Variants in PCDHGA9 observed in about 807,000 individuals in gnomAD.
PCDHGA9 encodes protocadherin gamma-A9.
Under a neutral mutation model 62.5 loss-of-function variants are expected in PCDHGA9, and 37 were observed. That is an observed-to-expected ratio of 0.59 (90% CI 0.46 to 0.78). The LOEUF (loss-of-function observed/expected upper bound fraction) is 0.78, where lower values mean the gene tolerates loss of function less well. Among genes scored for constraint, PCDHGA9 ranks in the 30% least tolerant of loss-of-function variants. The pLI is 0.00. For synonymous variants in PCDHGA9, 459 were observed against 484.6 expected (o/e 0.95, Z 0.69); for missense variants, 1,138 against 1,166.2 (o/e 0.98, Z 0.35).
chr5:141,404,593 A>G lies in PCDHGA9; in HGVS notation c.1641A>G (p.Ser547=). ...GCCCACCACTTAGCAGCAATGTGTCATTGAGACTGTTTGTTTTGGACCAGA... is the reference window on the plus strand; with the variant it reads ...GCCCACCACTTAGCAGCAATGTGTCGTTGAGACTGTTTGTTTTGGACCAGA... ...SGSPPLSSNV[S]LRLFVLDQND... The change falls in exon 1 of 4, where the codon TCA becomes TCG. Residue 547 remains serine (S), a synonymous_variant. Coordinates refer to ENST00000573521, the MANE Select transcript of PCDHGA9 (RefSeq NM_018921.3). 6.2e-7 allele frequency: 1 copy of G among 1,614,080 alleles called. No homozygotes were observed. Among genetic ancestry groups the G allele is most frequent in the Non-Finnish European group, 8.5e-7 (1 of 1,179,918 alleles).
At position 141,432,627 on chromosome 5, in the gene PCDHGA9, C is replaced by A. The variant is rs886117102; in HGVS notation, c.2424+27251C>A. 1 of 1,613,652 alleles carries A rather than the reference C, an allele frequency of 6.2e-7. No homozygotes were observed. The highest frequency in any genetic ancestry group is 8.5e-7 in the Non-Finnish European group (1 of 1,179,952). On this transcript the variant is annotated intron_variant, in intron 1 of 3. Transcript: ENST00000573521. This position sits in a 1 kb window ranked among gnomAD's most constrained non-coding sequence, Gnocchi z 6.0. ...GGACTCTTCTCGGTGGGTCTGCACA[C>A]GGGCGAGGTGCGCACGGCGCGAGCC...
At chr5:141,421,979 G>A in intron 1 of PCDHGA9, 1 of 1,609,702 alleles carries the variant, frequency 6.2e-7, no homozygotes, top group Non-Finnish European at 8.5e-7. Context: ...TATCGCGTGA[G>A]TGTTCCAGAA....
intron 1 of PCDHGA9, chr5:141,408,253 A>G (rs749487100): frequency 3.4e-4 from 550 of 1,599,220 alleles, no homozygotes; most frequent in Non-Finnish European, 4.4e-4. Flanking sequence ...GGCAGGTGCT[A>G]TTTCCTTTGC....
intron 1 of PCDHGA9, chr5:141,424,561 T>C (rs972361161): frequency 7.9e-5 from 12 of 152,236 alleles, no homozygotes; most frequent in African/African-American, 2.9e-4. Flanking sequence ...TCAGTGCTTC[T>C]CAAAAACCTA....
chr5:141,432,495 C>G lies in PCDHGA9; in HGVS notation c.2424+27119C>G. 1.2e-6 allele frequency: 2 copies of G among 1,614,182 alleles called. No individual in the cohort carries two copies. The highest frequency in any genetic ancestry group is 1.7e-6 in the Non-Finnish European group (2 of 1,180,048). On this transcript the variant is annotated intron_variant, in intron 1 of 3. Coordinates refer to ENST00000573521, the MANE Select transcript of PCDHGA9 (RefSeq NM_018921.3). The surrounding 1 kb of genome is among the most constrained non-coding windows in gnomAD (Gnocchi z 6.0). ...GGTTCCACTGGCGTGGAGCTGGCTC[C>G]CCGCTCCGCAGAGCCCGGCTACCTG...
rs1344329529 is a variant in PCDHGA9, at chr5:141,456,847, C to T, written c.2425-37960C>T. Among the ~76,000 whole-genome samples the T allele has an allele frequency of 2.0e-5, 3 of 152,084 alleles. No homozygotes were observed. The East Asian group carries it at 5.8e-4, about 29-fold the overall frequency. ...TCGTGGTAGTGGGCGCCTGTAATCC[C>T]AGCTAATTGGGAGGCTGAGGCAGGA... On this transcript the variant is annotated intron_variant, in intron 1 of 3. Transcript: ENST00000573521.
rs771088007 is a variant in PCDHGA9 at position 141,423,000 on chromosome 5, G to T, written c.2424+17624G>T. On this transcript the variant is annotated intron_variant, in intron 1 of 3. Coordinates refer to ENST00000573521, the MANE Select transcript of PCDHGA9 (RefSeq NM_018921.3). ...CGGAACCTGGCTACCTGGTGACCAA[G>T]GTGGTTGCGGTGGACAAAGATTCAG... The T allele has an allele frequency of 2.5e-6, 4 of 1,614,116 alleles. No individual in the cohort carries two copies. The African/African-American group carries it at 5.3e-5, about 22-fold the overall frequency.
Position 141,403,685 on chromosome 5 carries a change from C to T in PCDHGA9, c.733C>T (p.Arg245Trp). The change falls in exon 1 of 4, where the codon CGG becomes TGG. Residue 245 changes from arginine to tryptophan, a missense_variant. By Grantham distance (101) the Arg-to-Trp change is moderately radical (BLOSUM62 -3). Transcript: ENST00000573521. ...TNDNAPVFAQ[R>W]IYRVKVLENV... ...TGATAATGCCCCGGTTTTTGCTCAACGGATTTACCGAGTTAAAGTCCTTGA... is the reference window on the plus strand; with the variant it reads ...TGATAATGCCCCGGTTTTTGCTCAATGGATTTACCGAGTTAAAGTCCTTGA... 4 of 1,613,822 alleles carry T rather than the reference C, an allele frequency of 2.5e-6. No individual in the cohort carries two copies. The highest frequency in any genetic ancestry group is 3.4e-6 in the Non-Finnish European group (4 of 1,179,848).
chr5:141,460,296 C>T (rs1443273958), intron 1 of PCDHGA9, among the ~76,000 whole-genome samples: 1 of 151,924 alleles, frequency 6.6e-6, no homozygotes, highest in Non-Finnish European at 1.5e-5. Context: ...TTCTTATGTC[C>T]TATTCAAAAA....
intron 1 of PCDHGA9, chr5:141,408,972 CT>C (rs1404896464): frequency 6.2e-7 from 1 of 1,613,870 alleles, no homozygotes; most frequent in Middle Eastern, 1.6e-4. Flanking sequence ...AATCTGCCCC[CT>C]GGGTCCCCTG....
intron 1 of PCDHGA9, among the ~76,000 whole-genome samples, chr5:141,473,542 G>A (rs1444751260): frequency 6.6e-6 from 1 of 152,176 alleles, no homozygotes; most frequent in Non-Finnish European, 1.5e-5. Flanking sequence ...GGGGCCTAAT[G>A]GAAGACCTCT....
chr5:141,503,221 C>A (rs528636727), intron 2 of PCDHGA9, among the ~76,000 whole-genome samples: 2 of 151,956 alleles, frequency 1.3e-5, no homozygotes, highest in Non-Finnish European at 2.9e-5. Context: ...CCATGAGCAC[C>A]GTAAAGATGG....
At chr5:141,414,358 C>T (rs1414747968) in intron 1 of PCDHGA9, 1 of 1,613,818 alleles carries the variant, frequency 6.2e-7, no homozygotes, top group Non-Finnish European at 8.5e-7. Context: ...GGCGTATCTA[C>T]CATTTAAATT....
intron 1 of PCDHGA9, chr5:141,408,114 C>G: frequency 6.8e-7 from 1 of 1,461,086 alleles, no homozygotes; most frequent in East Asian, 2.5e-5. Flanking sequence ...CGGGACTCCT[C>G]CTGTCCTGGG....
At chr5:141,405,555 G>C in intron 1 of PCDHGA9, 179 bp downstream of exon 1, 1 of 620,228 alleles carries the variant, frequency 1.6e-6, no homozygotes, top group Non-Finnish European at 2.8e-6. Context: ...AAGTAGAGTA[G>C]CTGGGACTAG....
intron 1 of PCDHGA9, among the ~76,000 whole-genome samples, chr5:141,407,131 T>C (rs1164616354): frequency 6.6e-6 from 1 of 152,226 alleles, no homozygotes; most frequent in African/African-American, 2.4e-5. Context: ...TGCTTTATTT[T>C]TAAGAAAAAA....
In PCDHGA9 at chr5:141,511,999, C is replaced by G. The variant is rs1049440139; in HGVS notation, c.*826C>G. ...GTGGATGGTGGGGGCATGGACAAAG[C>G]TTGACACATCAAGTTATCAAGGCCT... is the stretch of plus-strand genomic sequence containing the variant. On this transcript the variant is annotated 3_prime_UTR_variant, in exon 4 of 4. Coordinates refer to ENST00000573521, the MANE Select transcript of PCDHGA9 (RefSeq NM_018921.3). 6.5e-6 allele frequency: 1 copy of G among 153,016 alleles called. No individual in the cohort carries two copies. Among genetic ancestry groups the G allele is most frequent in the Non-Finnish European group, 1.5e-5 (1 of 68,392 alleles). The allele number at this position is 153,016 out of a possible 1,614,324, so 9.5% of individuals were successfully genotyped here. A position where few individuals can be genotyped will look rare whatever the true frequency, so the allele number is the denominator to read the frequency against.
At chr5:141,456,364 G>A (rs778916049) in intron 1 of PCDHGA9, among the ~76,000 whole-genome samples, 2 of 152,258 alleles carry the variant, frequency 1.3e-5, no homozygotes, top group Admixed American at 6.5e-5. Flanking sequence ...TCCATGTGTG[G>A]TTCAGTTTAC....
chr5:141,501,237 A>G (rs1327502244), intron 2 of PCDHGA9, among the ~76,000 whole-genome samples: 1 of 150,372 alleles, frequency 6.7e-6, no homozygotes, highest in Non-Finnish European at 1.5e-5. Flanking sequence ...CAGTTTTTTG[A>G]GCATGATGTA....
Sources: allele counts gnomAD v4.1 joint callset (sites outside exome capture counted in the v4.1 genomes callset), GRCh38; gene constraint gnomAD v4.1.1; non-coding constraint Gnocchi (gnomAD v3.1); transcripts MANE v1.5; gene names NCBI Gene and HGNC (gene_info 2026-07-23, HGNC 2026-07-21).